SGCZ: variants seen among roughly 807,000 people sequenced by gnomAD.
SGCZ encodes the protein zeta-sarcoglycan.
A neutral mutation model predicts 41.3 loss-of-function variants in SGCZ; 40 were observed. The ratio of observed to expected loss-of-function variants is 0.97; its 90% CI spans 0.75 to 1.26. The LOEUF is 1.26. Ranked by LOEUF, SGCZ falls within the 50% of genes most tolerant of loss-of-function variation. The probability of loss-of-function intolerance (pLI) is 0.00; values close to 1 mark genes in which losing one functional copy is unlikely to be tolerated. For missense variants in SGCZ, 552 were observed against 369.8 expected, an observed-to-expected ratio of 1.49 and a Z score of -4.04; for synonymous variants, 206 against 137.5, an observed-to-expected ratio of 1.50 and a Z score of -3.49.
intron 1 of SGCZ, among the ~76,000 whole-genome samples, chr8:14,850,879 C>T (rs1264242232): frequency 5.9e-5 from 9 of 152,150 alleles, no homozygotes; most frequent in African/African-American, 2.2e-4. Context: ...TGCCTTGCTT[C>T]CCCTTCGCCT....
intron 1 of SGCZ, among the ~76,000 whole-genome samples, chr8:14,651,686 T>C (rs1424691639): frequency 6.6e-6 from 1 of 152,112 alleles, no homozygotes; most frequent in Non-Finnish European, 1.5e-5. Context: ...TATTCTCTTC[T>C]TGAGACTTAA....
rs921304211 is a variant in SGCZ, at chr8:14,738,843, G to A, written c.40-183917C>T. Among the ~76,000 whole-genome samples, 20 of 152,094 alleles carry A rather than the reference G, an allele frequency of 1.3e-4. 3 individuals carry two copies. Among genetic ancestry groups the A allele is most frequent in the Admixed American group, 1.1e-3 (17 of 15,224 alleles). On this transcript the variant is annotated intron_variant, in intron 1 of 7. Transcript: ENST00000382080. Reference sequence around the variant, plus strand: ...AGAGGGAGAACGGGCCGCAGGACAGGGAGTAAGTGGAAATTGGAACAGCCT... The same window carrying A: ...AGAGGGAGAACGGGCCGCAGGACAGAGAGTAAGTGGAAATTGGAACAGCCT...
At chr8:14,884,729 AT>A (rs1804726183) in intron 1 of SGCZ, among the ~76,000 whole-genome samples, 1 of 152,156 alleles carries the variant, frequency 6.6e-6, no homozygotes, top group African/African-American at 2.4e-5. Flanking sequence ...TAAGTCATCT[AT>A]TTTTAGTATA....
At chr8:14,822,679 T>TA (rs1482402852) in intron 1 of SGCZ, among the ~76,000 whole-genome samples, 1 of 152,088 alleles carries the variant, frequency 6.6e-6, no homozygotes, top group Non-Finnish European at 1.5e-5. Flanking sequence ...TTTACCCACT[T>TA]ACAGCCAATT....
At chr8:14,443,735 C>T (rs1037213741) in intron 2 of SGCZ, among the ~76,000 whole-genome samples, 3 of 152,214 alleles carry the variant, frequency 2.0e-5, no homozygotes, top group Middle Eastern at 3.4e-3. Flanking sequence ...CATTACCATT[C>T]AGGACATAGG....
intron 1 of SGCZ, among the ~76,000 whole-genome samples, chr8:14,604,419 T>A (rs772937868): frequency 4.8e-5 from 7 of 146,956 alleles, no homozygotes; most frequent in Non-Finnish European, 7.6e-5. Context: ...CTATAAGCCA[T>A]GATTTTTTTT....
chr8:14,382,815 T>C (rs1804419263), intron 2 of SGCZ, among the ~76,000 whole-genome samples: 2 of 152,180 alleles, frequency 1.3e-5, no homozygotes, highest in Non-Finnish European at 2.9e-5. Context: ...GAGTAACCAG[T>C]GGTCTTTGTC....
At chr8:14,569,676 G>A (rs1361011657) in intron 1 of SGCZ, among the ~76,000 whole-genome samples, 1 of 152,170 alleles carries the variant, frequency 6.6e-6, no homozygotes, top group East Asian at 1.9e-4. Flanking sequence ...GCTCAAGAAT[G>A]CCAAGGAAGG....
intron 1 of SGCZ, among the ~76,000 whole-genome samples, chr8:14,790,886 C>T (rs537436506): frequency 2.6e-5 from 4 of 151,846 alleles, no homozygotes; most frequent in African/African-American, 7.2e-5. Context: ...CAAAAATTTG[C>T]GCAGGGTGGT....
chr8:15,021,434 G>A (rs1208924909), intron 1 of SGCZ, among the ~76,000 whole-genome samples: 2 of 152,156 alleles, frequency 1.3e-5, no homozygotes, highest in Non-Finnish European at 2.9e-5. Flanking sequence ...CTATTACATA[G>A]CATACAGATC....
At chr8:15,171,030 G>A (rs533603847) in intron 1 of SGCZ, among the ~76,000 whole-genome samples, 46 of 152,174 alleles carry the variant, frequency 3.0e-4, no homozygotes, top group Middle Eastern at 3.4e-3. Context: ...CAAATTATGA[G>A]GCTATCTGCA....
At chr8:14,704,863 T>A (rs1809283205) in intron 1 of SGCZ, among the ~76,000 whole-genome samples, 1 of 151,966 alleles carries the variant, frequency 6.6e-6, no homozygotes, top group African/African-American at 2.4e-5. Context: ...ACAAATATAT[T>A]GGTAAGCAAG....
chr8:14,448,748 G>A (rs868761742), intron 2 of SGCZ, among the ~76,000 whole-genome samples: 21 of 152,212 alleles, frequency 1.4e-4, no homozygotes, highest in Middle Eastern at 3.4e-3. Flanking sequence ...GATCGCCGTT[G>A]ATGCAAAGGC....
intron 2 of SGCZ, among the ~76,000 whole-genome samples, chr8:14,326,884 A>C (rs1414010705): frequency 1.3e-5 from 2 of 152,214 alleles, no homozygotes; most frequent in Non-Finnish European, 2.9e-5. Flanking sequence ...GCAGCACTGT[A>C]GTTATTTAAG....
At chr8:14,890,270 G>A (rs548598734) in intron 1 of SGCZ, among the ~76,000 whole-genome samples, 1 of 151,472 alleles carries the variant, frequency 6.6e-6, no homozygotes, top group South Asian at 2.1e-4. Flanking sequence ...GGAAGGAAAG[G>A]AAGGAAAGAA....
At chr8:15,127,536 A>T (rs1214547302) in intron 1 of SGCZ, among the ~76,000 whole-genome samples, 1 of 152,242 alleles carries the variant, frequency 6.6e-6, no homozygotes, top group African/African-American at 2.4e-5. Context: ...TTCTTCACAC[A>T]CATAAAATTT....
At chr8:14,348,776 A>T (rs1364496314) in intron 2 of SGCZ, among the ~76,000 whole-genome samples, 1 of 152,188 alleles carries the variant, frequency 6.6e-6, no homozygotes, top group Non-Finnish European at 1.5e-5. Context: ...AGAATATATC[A>T]TTCAGCATTT....
intron 1 of SGCZ, among the ~76,000 whole-genome samples, chr8:14,711,450 A>C (rs1383958548): frequency 1.3e-5 from 2 of 151,286 alleles, no homozygotes; most frequent in South Asian, 2.1e-4. Context: ...AAAAAAAAAA[A>C]AAAAAGTTAG....
intron 1 of SGCZ, among the ~76,000 whole-genome samples, chr8:14,564,074 G>T (rs1000835365): frequency 1.8e-4 from 28 of 152,054 alleles, no homozygotes; most frequent in African/African-American, 6.0e-4. Context: ...CCCTGTTATG[G>T]GAAATATGAA....
Sources: gnomAD v4.1 joint callset for allele counts (sites outside exome capture counted in the v4.1 genomes callset) on GRCh38, gnomAD v4.1.1 for gene constraint, MANE v1.5 for transcripts, NCBI Gene and HGNC (gene_info 2026-07-23, HGNC 2026-07-21) for gene names.